ERC2: variants seen among roughly 807,000 people sequenced by gnomAD.
ERC2 encodes the protein ELKS/RAB6-interacting/CAST family member 2.
A neutral mutation model predicts 114.8 loss-of-function variants in ERC2; 42 were observed. The ratio of observed to expected loss-of-function variants is 0.37; its 90% CI spans 0.29 to 0.47. ERC2 has a LOEUF of 0.47. Ranked by LOEUF, ERC2 falls within the 20% of genes least tolerant of loss-of-function variation. The probability of loss-of-function intolerance (pLI) is 0.99; values close to 1 mark genes in which losing one functional copy is unlikely to be tolerated. For synonymous variants in ERC2, 454 were observed against 425.5 expected (o/e 1.07, Z -0.82); for missense variants, 939 against 1,150.7 (o/e 0.82, Z 2.66).
intron 17 of ERC2, among the ~76,000 whole-genome samples, chr3:55,514,594 G>A (rs965113275): frequency 1.3e-5 from 2 of 152,220 alleles, no homozygotes; most frequent in Non-Finnish European, 2.9e-5. Flanking sequence ...CTGTGATGGA[G>A]GGAGCCAGGG....
At chr3:55,513,890 C>T (rs1008168185) in intron 17 of ERC2, among the ~76,000 whole-genome samples, 5 of 152,106 alleles carry the variant, frequency 3.3e-5, no homozygotes, top group Non-Finnish European at 5.9e-5. Context: ...CTGCCTCAGG[C>T]TCCCAAAGTG....
chr3:56,173,120 A>G (rs1241144614), intron 4 of ERC2, among the ~76,000 whole-genome samples: 1 of 152,176 alleles, frequency 6.6e-6, no homozygotes, highest in Non-Finnish European at 1.5e-5. Context: ...TGTGAATAGG[A>G]GGAAAAGAAT....
chr3:55,646,110 G>C (rs761327367), intron 17 of ERC2, among the ~76,000 whole-genome samples: 1 of 152,180 alleles, frequency 6.6e-6, no homozygotes, highest in Non-Finnish European at 1.5e-5. Flanking sequence ...TTTTTACATA[G>C]GGGGTTGCCT....
chr3:56,114,080 C>A (rs2079104363), intron 6 of ERC2, among the ~76,000 whole-genome samples: 1 of 152,052 alleles, frequency 6.6e-6, no homozygotes, highest in South Asian at 2.1e-4. Context: ...GAGTTCATGC[C>A]AAATGGGTTG....
chr3:56,153,000 G>A (rs909652266), intron 4 of ERC2, among the ~76,000 whole-genome samples: 2 of 152,130 alleles, frequency 1.3e-5, no homozygotes, highest in African/African-American at 2.4e-5. Context: ...AGCCCATGAC[G>A]GCTATAGTTA....
chr3:56,378,531 C>T (rs61688591), intron 2 of ERC2, among the ~76,000 whole-genome samples: 4,395 of 145,192 alleles, frequency 0.03, 118 homozygotes, highest in East Asian at 0.059. Flanking sequence ...TGTAACTAAC[C>T]TGCACAATGT....
At chr3:55,771,817 TG>T (rs1209979928) in intron 14 of ERC2, among the ~76,000 whole-genome samples, 31 of 152,202 alleles carry the variant, frequency 2.0e-4, no homozygotes, top group Admixed American at 2.0e-3. Flanking sequence ...GCTCTCCACC[TG>T]TAATGGGAAA....
At chr3:55,808,727 ATATATATATATAT>A in intron 14 of ERC2, among the ~76,000 whole-genome samples, 1 of 116,122 alleles carries the variant, frequency 8.6e-6, no homozygotes, top group Non-Finnish European at 1.7e-5. Context: ...ATATATATAT[ATATATATATATAT>A]ATAACGTATA....
At chr3:56,259,180 C>T (rs1052745643) in intron 3 of ERC2, among the ~76,000 whole-genome samples, 3 of 151,990 alleles carry the variant, frequency 2.0e-5, no homozygotes, top group African/African-American at 4.8e-5. Flanking sequence ...CCATGTTGAT[C>T]AGGCTGGTCT....
intron 2 of ERC2, among the ~76,000 whole-genome samples, chr3:56,333,220 A>T (rs1200970316): frequency 6.6e-6 from 1 of 152,248 alleles, no homozygotes; most frequent in Non-Finnish European, 1.5e-5. Flanking sequence ...TCCCAAGGGC[A>T]GGGTGGCCAT....
At chr3:55,841,179 G>A (rs1011366607) in intron 14 of ERC2, among the ~76,000 whole-genome samples, 2 of 152,154 alleles carry the variant, frequency 1.3e-5, no homozygotes, top group Non-Finnish European at 2.9e-5. Context: ...AAATCTGGCT[G>A]ACACGGTTTG....
chr3:56,168,237 C>T (rs1426596879), intron 4 of ERC2, among the ~76,000 whole-genome samples: 1 of 152,160 alleles, frequency 6.6e-6, no homozygotes, highest in East Asian at 1.9e-4. Context: ...AGGTTTATTG[C>T]ACATCAAGTG....
intron 16 of ERC2, among the ~76,000 whole-genome samples, chr3:55,695,057 A>T (rs1412267644): frequency 6.6e-6 from 1 of 152,216 alleles, no homozygotes; most frequent in Non-Finnish European, 1.5e-5. Flanking sequence ...GGTATCACTG[A>T]TATGTTTTAA....
chr3:55,977,379 C>A (rs2069679352), intron 12 of ERC2, among the ~76,000 whole-genome samples: 1 of 89,564 alleles, frequency 1.1e-5, no homozygotes, highest in African/African-American at 4.7e-5. Context: ...AATGTCAGAT[C>A]AAAGACAAAC....
At chr3:56,174,963 C>T (rs78776925) in intron 3 of ERC2, among the ~76,000 whole-genome samples, 3 of 113,558 alleles carry the variant, frequency 2.6e-5, no homozygotes, top group Admixed American at 1.0e-4. Context: ...GGTGATGGAA[C>T]GAGACTCTGT....
At chr3:55,661,758 C>A (rs1001391246) in intron 17 of ERC2, among the ~76,000 whole-genome samples, 2 of 152,036 alleles carry the variant, frequency 1.3e-5, no homozygotes, top group African/African-American at 4.8e-5. Flanking sequence ...CAACACAGCA[C>A]AGTCATTACG....
intron 14 of ERC2, among the ~76,000 whole-genome samples, chr3:55,820,809 C>T (rs758876771): frequency 6.6e-6 from 1 of 152,196 alleles, no homozygotes; most frequent in Non-Finnish European, 1.5e-5. Context: ...TCATTAATTG[C>T]TTCATTCATT....
intron 14 of ERC2, among the ~76,000 whole-genome samples, chr3:55,811,910 T>C (rs148775917): frequency 6.6e-5 from 10 of 152,322 alleles, no homozygotes; most frequent in Admixed American, 3.9e-4. Context: ...CTTTGTTACA[T>C]AGGTAAACGT....
At chr3:56,342,102 A>G (rs940748165) in intron 2 of ERC2, among the ~76,000 whole-genome samples, 1 of 152,214 alleles carries the variant, frequency 6.6e-6, no homozygotes, top group Non-Finnish European at 1.5e-5. Flanking sequence ...TCATGTGAGG[A>G]ACATAGAATC....
Sources: gnomAD v4.1 joint callset for allele counts (sites outside exome capture counted in the v4.1 genomes callset) on GRCh38, gnomAD v4.1.1 for gene constraint, MANE v1.5 for transcripts, NCBI Gene and HGNC (gene_info 2026-07-23, HGNC 2026-07-21) for gene names.